Variants in ATXN1 observed in about 807,000 individuals in gnomAD.
ATXN1 encodes ataxin 1, also known as ataxin-1.
ATXN1 carries 8 observed loss-of-function variants against 56.4 expected under a neutral mutation model. That is an observed-to-expected ratio of 0.14 (90% CI 0.08 to 0.26). The LOEUF (loss-of-function observed/expected upper bound fraction) is 0.26. ATXN1 is among the 10% of genes least tolerant of loss of function. The pLI is 1.00. For synonymous variants in ATXN1, 514 were observed against 494.6 expected, an observed-to-expected ratio of 1.04 and a Z score of -0.52; for missense variants, 987 against 1,106.5, an observed-to-expected ratio of 0.89 and a Z score of 1.53.
rs556335656 is a variant in ATXN1 at position 16,506,617 on chromosome 6, A to G, written c.-299+16010T>C. ...TAATGTCTTGTTCAGAAGTGTTAGG[A>G]GAATTGATGAGTTAATGTTGGTAAA... On this transcript the variant is annotated intron_variant, in intron 5 of 7. Coordinates refer to ENST00000436367, the MANE Select transcript of ATXN1 (RefSeq NM_001128164.2). This position sits in a 1 kb window ranked among gnomAD's most constrained non-coding sequence, Gnocchi z 4.1. Among the ~76,000 whole-genome samples, 1 of 152,346 alleles carries G rather than the reference A, an allele frequency of 6.6e-6. No individual in the cohort carries two copies. The highest frequency in any genetic ancestry group is 2.4e-5 in the African/African-American group (1 of 41,572).
intron 7 of ATXN1, among the ~76,000 whole-genome samples, chr6:16,307,181 G>C (rs1000129502): frequency 6.6e-6 from 1 of 152,232 alleles, no homozygotes; most frequent in African/African-American, 2.4e-5. Flanking sequence ...AGTAATGACA[G>C]AGCACCCACT....
chr6:16,703,918 C>G (rs917680268), intron 2 of ATXN1, among the ~76,000 whole-genome samples: 4 of 152,242 alleles, frequency 2.6e-5, no homozygotes, highest in Admixed American at 2.6e-4. Flanking sequence ...ACCCGGGAGC[C>G]TGAGCCAGGA....
At chr6:16,647,165 C>T (rs545550990) in intron 3 of ATXN1, among the ~76,000 whole-genome samples, 7 of 152,152 alleles carry the variant, frequency 4.6e-5, no homozygotes, top group South Asian at 2.1e-4. Context: ...CCACCACGCC[C>T]GGCTAATTTT....
intron 6 of ATXN1, among the ~76,000 whole-genome samples, chr6:16,405,883 T>C (rs915834125): frequency 2.0e-5 from 3 of 151,998 alleles, no homozygotes; most frequent in African/African-American, 7.3e-5. Context: ...TGGAAAGAGG[T>C]GCTGGAACGG....
chr6:16,538,835 G>A (rs1312276553), intron 4 of ATXN1, among the ~76,000 whole-genome samples: 2 of 152,102 alleles, frequency 1.3e-5, no homozygotes, highest in Non-Finnish European at 2.9e-5. Context: ...ACAGGCATGA[G>A]CCACCACACC....
At chr6:16,469,879 C>T (rs1006888488) in intron 6 of ATXN1, among the ~76,000 whole-genome samples, 14 of 151,572 alleles carry the variant, frequency 9.2e-5, no homozygotes, top group African/African-American at 3.4e-4. Context: ...AACAGAATTG[C>T]TTGAACCTGG....
At chr6:16,588,257 A>C (rs1268647027) in intron 3 of ATXN1, among the ~76,000 whole-genome samples, 2 of 151,966 alleles carry the variant, frequency 1.3e-5, no homozygotes, top group African/African-American at 4.8e-5. Context: ...CTGCCACCCT[A>C]CTACCTTCCT....
chr6:16,555,803 C>T (rs1762002849), intron 4 of ATXN1, among the ~76,000 whole-genome samples: 1 of 152,212 alleles, frequency 6.6e-6, no homozygotes, highest in Non-Finnish European at 1.5e-5. Context: ...AACACACTAA[C>T]TCTGTATGTT....
At chr6:16,625,242 C>G (rs1763387246) in intron 3 of ATXN1, among the ~76,000 whole-genome samples, 1 of 152,216 alleles carries the variant, frequency 6.6e-6, no homozygotes, top group Admixed American at 6.5e-5. Context: ...GAGAGTACTA[C>G]CTACCCTGGG....
chr6:16,614,397 GTTCT>G (rs558627630), intron 3 of ATXN1, among the ~76,000 whole-genome samples: 266 of 151,882 alleles, frequency 1.8e-3, no homozygotes, highest in Non-Finnish European at 2.4e-3. Flanking sequence ...CATGATCTCA[GTTCT>G]TTCTTTCTCT....
chr6:16,536,984 C>T (rs1444953969), intron 4 of ATXN1, among the ~76,000 whole-genome samples: 1 of 151,576 alleles, frequency 6.6e-6, no homozygotes, highest in South Asian at 2.1e-4. Flanking sequence ...TTTCCATAAA[C>T]TTGGTTATTT....
In ATXN1 at chr6:16,301,505, ATATT is replaced by A. The variant is rs1050829233; in HGVS notation, c.*4820_*4823del. The A allele has an allele frequency of 1.3e-5, 2 of 152,508 alleles. No individual in the cohort carries two copies. Among genetic ancestry groups the A allele is most frequent in the Non-Finnish European group, 2.9e-5 (2 of 68,022 alleles). The allele number at this position is 152,508 out of a possible 1,614,324, so 9.4% of individuals were successfully genotyped here. On this transcript the variant is annotated 3_prime_UTR_variant, in exon 8 of 8. Coordinates refer to ENST00000436367, the MANE Select transcript of ATXN1 (RefSeq NM_001128164.2). ...CTTTATAAAAAAGTATATTCTCTGTATATTTATTACTTGATGTGTTCTTAAATTC... is the reference window on the plus strand; with the variant it reads ...CTTTATAAAAAAGTATATTCTCTGTATATTACTTGATGTGTTCTTAAATTC...
chr6:16,438,568 A>G (rs892926840), intron 6 of ATXN1, among the ~76,000 whole-genome samples: 2 of 152,238 alleles, frequency 1.3e-5, no homozygotes, highest in Non-Finnish European at 2.9e-5. Flanking sequence ...GAGAAGTCCT[A>G]CACCTCATCT....
chr6:16,695,401 A>T (rs1319323840), intron 2 of ATXN1, among the ~76,000 whole-genome samples: 2 of 152,234 alleles, frequency 1.3e-5, no homozygotes, highest in East Asian at 3.8e-4. Context: ...TAGAAGCAGA[A>T]GTAGCAGAGC....
rs748314030 is a variant in ATXN1, at chr6:16,395,270, C to CAAAAAAAAAAAAAAA, written c.-160-66815_-160-66801dup. Reference sequence around the variant, plus strand: ...GGCCAACAAGAGCGAAACTCCGTCTCAAAAAAAAAAAAAAAAAAAAACAAG... The same window carrying CAAAAAAAAAAAAAAA: ...GGCCAACAAGAGCGAAACTCCGTCTCAAAAAAAAAAAAAAAAAAAAAAAAAAAAAAAAAAAACAAG... On this transcript the variant is annotated intron_variant, in intron 6 of 7. Coordinates refer to ENST00000436367, the MANE Select transcript of ATXN1 (RefSeq NM_001128164.2). Among the ~76,000 whole-genome samples, 129 of 48,402 alleles carry CAAAAAAAAAAAAAAA rather than the reference C, an allele frequency of 2.7e-3. 5 individuals are homozygous for CAAAAAAAAAAAAAAA. The highest frequency in any genetic ancestry group is 4.9e-3 in the African/African-American group (54 of 11,048). The allele number at this position is 48,402 out of a possible 152,430, so 31.8% of individuals were successfully genotyped here.
rs184719667 is a variant in ATXN1, at chr6:16,622,582, A to T, written c.-489+35194T>A. 9.8e-5 allele frequency among the ~76,000 whole-genome samples: 15 copies of T among 152,342 alleles called. No individual in the cohort carries two copies. The East Asian group carries it at 2.7e-3, about 27-fold the overall frequency. On this transcript the variant is annotated intron_variant, in intron 3 of 7. Coordinates refer to ENST00000436367, the MANE Select transcript of ATXN1 (RefSeq NM_001128164.2). ...TAGTTATATCCTTCAATCTAACATC[A>T]TTCAAGAAAAGCTTCTCTCCAAAAA... is the stretch of plus-strand genomic sequence containing the variant.
intron 2 of ATXN1, among the ~76,000 whole-genome samples, chr6:16,751,602 C>A (rs1244280432): frequency 6.7e-6 from 1 of 150,210 alleles, no homozygotes; most frequent in Admixed American, 6.6e-5. Flanking sequence ...AAAAAAAAAA[C>A]CACACATGCA....
intron 6 of ATXN1, among the ~76,000 whole-genome samples, chr6:16,332,543 T>C (rs987137212): frequency 6.6e-6 from 1 of 152,168 alleles, no homozygotes; most frequent in Non-Finnish European, 1.5e-5. Flanking sequence ...TGGAAGCACC[T>C]GCCACAACAA....
chr6:16,601,475 T>C (rs1010433645), intron 3 of ATXN1, among the ~76,000 whole-genome samples: 18 of 151,414 alleles, frequency 1.2e-4, no homozygotes, highest in Admixed American at 1.2e-3. Context: ...GAGTTTATTC[T>C]TCCAACACTG....
Sources: allele counts gnomAD v4.1 joint callset (sites outside exome capture counted in the v4.1 genomes callset), GRCh38; gene constraint gnomAD v4.1.1; non-coding constraint Gnocchi (gnomAD v3.1); transcripts MANE v1.5; gene names NCBI Gene and HGNC (gene_info 2026-07-23, HGNC 2026-07-21).